FOXP1: variants seen among roughly 807,000 people sequenced by gnomAD.
FOXP1 encodes the protein forkhead box P1, also known as forkhead box protein P1.
FOXP1 carries 15 observed loss-of-function variants against 98.2 expected under a neutral mutation model. The ratio of observed to expected loss-of-function variants is 0.15; its 90% CI spans 0.10 to 0.24. The LOEUF (loss-of-function observed/expected upper bound fraction) is 0.24. Ranked by LOEUF, FOXP1 falls within the 10% of genes least tolerant of loss-of-function variation. The probability of loss-of-function intolerance (pLI) is 1.00; values close to 1 mark genes in which losing one functional copy is unlikely to be tolerated. For missense variants in FOXP1, 633 were observed against 848.5 expected, an observed-to-expected ratio of 0.75 and a Z score of 3.15; for synonymous variants, 371 against 314.5, an observed-to-expected ratio of 1.18 and a Z score of -1.90.
chr3:71,493,683 G>A (rs920600550), intron 2 of FOXP1, 128 bp from the exon 3 acceptor site: 3 of 152,206 alleles, frequency 2.0e-5, no homozygotes, highest in Admixed American at 2.0e-4. Flanking sequence ...GCCAGGGTAT[G>A]TCAATACATC....
chr3:71,339,728 C>T (rs758698277), intron 4 of FOXP1, among the ~76,000 whole-genome samples: 9 of 152,230 alleles, frequency 5.9e-5, no homozygotes, highest in Non-Finnish European at 1.0e-4. Context: ...AGTTAGCTGA[C>T]GGCTGTTGGG....
At chr3:71,181,761 G>A (rs1286614763) in intron 6 of FOXP1, among the ~76,000 whole-genome samples, 7 of 152,098 alleles carry the variant, frequency 4.6e-5, no homozygotes, top group Admixed American at 6.5e-5. Context: ...GGCCGGGCGC[G>A]GTGGCTCACG....
chr3:71,502,852 T>C (rs2041500387), intron 2 of FOXP1, among the ~76,000 whole-genome samples: 1 of 151,874 alleles, frequency 6.6e-6, no homozygotes, highest in African/African-American at 2.4e-5. Context: ...CCGGCATACA[T>C]AACAGCTAAT....
chr3:71,496,821 CAAA>C (rs2091449982), intron 2 of FOXP1, among the ~76,000 whole-genome samples: 1 of 151,158 alleles, frequency 6.6e-6, no homozygotes, highest in South Asian at 2.1e-4. Flanking sequence ...ACAAAAGAAA[CAAA>C]CAACAACAAC....
At chr3:71,074,990 C>T (rs887540865) in intron 7 of FOXP1, among the ~76,000 whole-genome samples, 5 of 152,246 alleles carry the variant, frequency 3.3e-5, no homozygotes, top group Non-Finnish European at 5.9e-5. Context: ...CGACACATGA[C>T]TGAGCACCAG....
intron 3 of FOXP1, among the ~76,000 whole-genome samples, chr3:71,465,413 T>C (rs539830690): frequency 6.6e-6 from 1 of 151,968 alleles, no homozygotes; most frequent in African/African-American, 2.4e-5. Context: ...ACTAATATGA[T>C]CTCCACTCAG....
intron 6 of FOXP1, among the ~76,000 whole-genome samples, chr3:71,133,730 A>G (rs1000153560): frequency 6.6e-6 from 1 of 152,174 alleles, no homozygotes; most frequent in African/African-American, 2.4e-5. Flanking sequence ...AAAAGGCAAC[A>G]TCCTAAATAC....
At chr3:71,282,727 T>G (rs2071701589) in intron 5 of FOXP1, among the ~76,000 whole-genome samples, 1 of 152,162 alleles carries the variant, frequency 6.6e-6, no homozygotes, top group Non-Finnish European at 1.5e-5. Context: ...ACCTACGCTA[T>G]TCTTTGTATC....
chr3:71,353,622 G>C (rs2077946370), intron 4 of FOXP1, among the ~76,000 whole-genome samples: 1 of 152,092 alleles, frequency 6.6e-6, no homozygotes, highest in African/African-American at 2.4e-5. Flanking sequence ...AAGAGTACAA[G>C]TTATGAATTA....
chr3:71,241,613 A>G (rs2067290185), intron 5 of FOXP1, among the ~76,000 whole-genome samples: 1 of 152,224 alleles, frequency 6.6e-6, no homozygotes, highest in Non-Finnish European at 1.5e-5. Flanking sequence ...GTGGGCTTAT[A>G]AGAGAGGGGC....
intron 5 of FOXP1, among the ~76,000 whole-genome samples, chr3:71,258,101 G>A (rs1345646348): frequency 6.6e-6 from 1 of 152,124 alleles, no homozygotes; most frequent in African/African-American, 2.4e-5. Context: ...AATTAAATAG[G>A]TTCTTACCTT....
chr3:71,422,628 C>T (rs766964987), intron 3 of FOXP1, among the ~76,000 whole-genome samples: 3 of 152,074 alleles, frequency 2.0e-5, no homozygotes, highest in African/African-American at 7.2e-5. Flanking sequence ...GGGAAATAAT[C>T]GAAAAGAAAG....
intron 13 of FOXP1, among the ~76,000 whole-genome samples, chr3:70,991,448 C>T (rs2107527553): frequency 6.6e-6 from 1 of 152,332 alleles, no homozygotes; most frequent in Non-Finnish European, 1.5e-5. Flanking sequence ...TTCCATTCAA[C>T]ATCCTCAAAG....
chr3:71,480,055 G>A (rs1188634570), intron 3 of FOXP1, among the ~76,000 whole-genome samples: 1 of 152,140 alleles, frequency 6.6e-6, no homozygotes, highest in Non-Finnish European at 1.5e-5. Flanking sequence ...AATTAGCTGG[G>A]CGTGGTGCCA....
At chr3:71,579,446 G>A (rs2047976850) in intron 2 of FOXP1, among the ~76,000 whole-genome samples, 1 of 151,916 alleles carries the variant, frequency 6.6e-6, no homozygotes, top group Non-Finnish European at 1.5e-5. Flanking sequence ...AATTTTCCTA[G>A]ACAACAAGCA....
intron 11 of FOXP1, among the ~76,000 whole-genome samples, chr3:71,033,732 C>T (rs1370458761): frequency 6.6e-6 from 1 of 152,090 alleles, no homozygotes; most frequent in African/African-American, 2.4e-5. Context: ...CACCATGCCA[C>T]ATGGCCCTGA....
In FOXP1 at chr3:71,198,373, T is replaced by C. The variant is rs763607334; in HGVS notation, c.9A>G (p.Gln3=). 3 of 1,411,716 alleles carry C rather than the reference T, an allele frequency of 2.1e-6. No individual in the cohort carries two copies. Among genetic ancestry groups the C allele is most frequent in the South Asian group, 1.1e-5 (1 of 88,574 alleles). 87.4% of individuals were successfully genotyped at this position (1,411,716 alleles called of 1,614,324 possible). The change falls in exon 6 of 21, where the codon CAA becomes CAG. Residue 3 remains glutamine (Q), a synonymous_variant. Coordinates refer to ENST00000649528, the MANE Select transcript of FOXP1 (RefSeq NM_001349338.3). ...TACTTTTTGTCTCAGTCCCAGATTC[T>C]TGCATCATGACTCAAAAACCTGATA... MM[Q]ESGTETKSNG...
intron 12 of FOXP1, among the ~76,000 whole-genome samples, chr3:71,002,742 A>C (rs182002970): frequency 1.2e-3 from 178 of 152,258 alleles, no homozygotes; most frequent in African/African-American, 4.1e-3. Flanking sequence ...AGTTAGTTCA[A>C]TTCCTCATTT....
Position 71,022,142 on chromosome 3 carries a change from A to T in FOXP1, c.870-6489T>A, listed in dbSNP as rs560206954. 2.7e-3 allele frequency among the ~76,000 whole-genome samples: 413 copies of T among 152,284 alleles called. 2 individuals carry two copies. The highest frequency in any genetic ancestry group is 0.01 in the Middle Eastern group (3 of 294). On this transcript the variant is annotated intron_variant, in intron 11 of 20. Transcript: ENST00000649528. The stretch of plus-strand genomic sequence containing the variant: ...TAAGTTAATTTTTGCATATGATATG[A>T]GTCAGGGGTCCAAGTTCATTTTTTT...
Sources: gnomAD v4.1 joint callset for allele counts (sites outside exome capture counted in the v4.1 genomes callset) on GRCh38, gnomAD v4.1.1 for gene constraint, MANE v1.5 for transcripts, NCBI Gene and HGNC (gene_info 2026-07-23, HGNC 2026-07-21) for gene names.